PLOD1: variants seen among roughly 807,000 people sequenced by gnomAD.
PLOD1 encodes the protein lysine hydroxylase.
Under a neutral mutation model 94.7 loss-of-function variants are expected in PLOD1, and 70 were observed. That is an observed-to-expected ratio of 0.74 (90% confidence interval 0.61 to 0.90). PLOD1 has a LOEUF of 0.90. PLOD1 is among the 40% of genes least tolerant of loss of function. The probability of loss-of-function intolerance (pLI) is 0.00; values close to 1 mark genes in which losing one functional copy is unlikely to be tolerated. For synonymous variants in PLOD1, 417 were observed against 400.2 expected (o/e 1.04, Z -0.50); for missense variants, 905 against 972.7 (o/e 0.93, Z 0.93).
Position 11,947,760 on chromosome 1 carries a change from C to T in PLOD1, c.77-216C>T, listed in dbSNP as rs79892860. 6.3e-3 allele frequency among the ~76,000 whole-genome samples: 953 copies of T among 152,278 alleles called. 13 individuals are homozygous for T. The highest frequency in any genetic ancestry group is 0.021 in the African/African-American group (863 of 41,564). ...GGAGGGGACAAATATCCAACTATAT[C>T]GGTCAGTTACTGGGTGGAGGGAGCC... On this transcript the variant is annotated intron_variant, in intron 1 of 18. Transcript: ENST00000196061.
rs1645755861 is a variant in PLOD1, at chr1:11,958,584, C to A, written c.912C>A (p.Phe304Leu). ...AGCCCACGCCGTTTGTGTCCCTGTT[C>A]TTCCAGCGGCTCCTGCGGCTCCACT... ...IEQPTPFVSL[F>L]FQRLLRLHYP... The change falls in exon 9 of 19, where the codon TTC (phenylalanine) becomes TTA (leucine). Residue 304 changes from phenylalanine (F) to leucine (L), a missense_variant. Coordinates refer to ENST00000196061, the MANE Select transcript of PLOD1 (RefSeq NM_000302.4). The surrounding 1 kb of genome is among the most constrained non-coding windows in gnomAD (Gnocchi z 4.3). The A allele has an allele frequency of 6.2e-7, 1 of 1,614,126 alleles. No individual in the cohort carries two copies. The highest frequency in any genetic ancestry group is 8.5e-7 in the Non-Finnish European group (1 of 1,180,016).
chr1:11,962,113 A>G (rs543628859), intron 10 of PLOD1, among the ~76,000 whole-genome samples: 24 of 151,510 alleles, frequency 1.6e-4, no homozygotes, highest in Admixed American at 9.9e-4. Flanking sequence ...TATTTTTTGT[A>G]GAGACAGGAT....
In PLOD1 at chr1:11,967,004, T is replaced by C. The variant is rs1221465117; in HGVS notation, c.1668T>C (p.Tyr556=). Residue 556 remains tyrosine, a synonymous_variant, in exon 16 of 19, where the codon TAT becomes TAC. Coordinates refer to ENST00000196061, the MANE Select transcript of PLOD1 (RefSeq NM_000302.4). The stretch of plus-strand genomic sequence containing the variant: ...CTCCCCAGCCCTGCCCGGATGTCTA[T>C]TGGTTCCCCATCTTCACGGAGGTGG... The part of the protein sequence containing the change: ...KLVETPCPDV[Y]WFPIFTEVAC... 6.2e-7 allele frequency: 1 copy of C among 1,612,834 alleles called. No homozygotes were observed. Among genetic ancestry groups the C allele is most frequent in the South Asian group, 1.1e-5 (1 of 91,042 alleles).
intron 1 of PLOD1, among the ~76,000 whole-genome samples, chr1:11,945,623 C>T (rs1645648000): frequency 1.3e-5 from 2 of 152,062 alleles, no homozygotes; most frequent in Admixed American, 6.6e-5. Flanking sequence ...GTATATCACC[C>T]GCCAGATCAG....
chr1:11,954,168 T>C (rs1353399209), intron 5 of PLOD1: 2 of 157,752 alleles, frequency 1.3e-5, no homozygotes, highest in African/African-American at 5.0e-5. Flanking sequence ...ACCCGACTCG[T>C]GTAGAATATT....
chr1:11,957,987 C>A lies in PLOD1; in HGVS notation c.843+44C>A. On this transcript the variant is annotated intron_variant, in intron 8 of 18. Coordinates refer to ENST00000196061, the MANE Select transcript of PLOD1 (RefSeq NM_000302.4). This position sits in a 1 kb window ranked among gnomAD's most constrained non-coding sequence, Gnocchi z 4.1. ...CTGTGCCTGAGGGACACGGGGGGCT[C>A]AGTCCCCTGAGATGGCGAGATGGGT... is the stretch of plus-strand genomic sequence containing the variant. The A allele has an allele frequency of 8.0e-7, 1 of 1,256,082 alleles. No individual in the cohort carries two copies. The highest frequency in any genetic ancestry group is 1.2e-6 in the Non-Finnish European group (1 of 853,178). 77.8% of individuals were successfully genotyped at this position (1,256,082 alleles called of 1,614,324 possible). A position where few individuals can be genotyped will look rare whatever the true frequency, so the allele number is the denominator to read the frequency against.
chr1:11,958,059 A>C lies in PLOD1; in HGVS notation c.843+116A>C. On this transcript the variant is annotated intron_variant, in intron 8 of 18. Coordinates refer to ENST00000196061, the MANE Select transcript of PLOD1 (RefSeq NM_000302.4). This position sits in a 1 kb window ranked among gnomAD's most constrained non-coding sequence, Gnocchi z 4.3. ...GTCTTTGGTGGAAAGTGAAGGGGTC[A>C]CCTCCCTGCCTGGGGTTCTATCCCG... 1.3e-6 allele frequency: 1 copy of C among 765,196 alleles called. No individual in the cohort carries two copies. Among genetic ancestry groups the C allele is most frequent in the Non-Finnish European group, 2.3e-6 (1 of 437,872 alleles). The allele number at this position is 765,196 out of a possible 1,614,324, so 47.4% of individuals were successfully genotyped here.
chr1:11,959,182 A>C (rs1000920714), intron 9 of PLOD1, among the ~76,000 whole-genome samples: 8 of 151,920 alleles, frequency 5.3e-5, no homozygotes, highest in Non-Finnish European at 1.2e-4. Context: ...TCCAGCCTGG[A>C]CAACAAGAGC....
Position 11,967,617 on chromosome 1 carries a change from A to T in PLOD1, c.1755+526A>T, listed in dbSNP as rs1026494039. The stretch of plus-strand genomic sequence containing the variant: ...TGTGTGTATATATATATATATATAA[A>T]AAGAAATATATATAGATTTTATTTA... On this transcript the variant is annotated intron_variant, in intron 16 of 18. Transcript: ENST00000196061. 1.3e-4 allele frequency among the ~76,000 whole-genome samples: 15 copies of T among 114,554 alleles called. 2 individuals carry two copies. Among genetic ancestry groups the T allele is most frequent in the African/African-American group, 1.0e-4 (3 of 29,764 alleles). The allele number at this position is 114,554 out of a possible 152,430, so 75.2% of individuals were successfully genotyped here. A position where few individuals can be genotyped will look rare whatever the true frequency, so the allele number is the denominator to read the frequency against.
chr1:11,952,475 C>G, intron 4 of PLOD1, 148 bp from the exon 5 acceptor site: 2 of 692,154 alleles, frequency 2.9e-6, no homozygotes, highest in East Asian at 5.5e-5. Context: ...AGCCCCACCT[C>G]CTGTCAATTC....
rs145873083 is a variant in PLOD1, at chr1:11,974,848, G to A, written c.*40G>A. 1.1e-4 allele frequency: 170 copies of A among 1,607,850 alleles called. No individual in the cohort carries two copies. The African/African-American group carries it at 1.6e-3, about 15-fold the overall frequency. On this transcript the variant is annotated 3_prime_UTR_variant, in exon 19 of 19. Transcript: ENST00000196061. ...CCCTCTTGGACCTTTCTTCTTTGCCGACAACCACTGCCCAGCAGCCTCTGG... is the reference window on the plus strand; with the variant it reads ...CCCTCTTGGACCTTTCTTCTTTGCCAACAACCACTGCCCAGCAGCCTCTGG...
chr1:11,962,498 G>A (rs1645785612), intron 10 of PLOD1, among the ~76,000 whole-genome samples: 1 of 150,370 alleles, frequency 6.7e-6, no homozygotes, highest in South Asian at 2.1e-4. Context: ...GGATGGTCTC[G>A]ATCTCCTGAC....
chr1:11,956,041 T>C (rs914768986), intron 6 of PLOD1, among the ~76,000 whole-genome samples: 1 of 150,948 alleles, frequency 6.6e-6, no homozygotes, highest in Non-Finnish European at 1.5e-5. Flanking sequence ...GGATTACAGG[T>C]GTGCGCCAGC....
At chr1:11,954,163 A>C (rs1371208829) in intron 5 of PLOD1, 1 of 146,492 alleles carries the variant, frequency 6.8e-6, no homozygotes, top group African/African-American at 2.6e-5. Context: ...ACCGCACCCG[A>C]CTCGTGTAGA....
chr1:11,965,627 C>A, intron 14 of PLOD1, 34 bp downstream of exon 14: 3 of 1,270,308 alleles, frequency 2.4e-6, no homozygotes, highest in Non-Finnish European at 3.5e-6. Flanking sequence ...GGGCTGGGAG[C>A]AAAGGGGCCC....
Position 11,958,740 on chromosome 1 carries a change from A to T in PLOD1, c.975+93A>T. On this transcript the variant is annotated intron_variant, in intron 9 of 18. Coordinates refer to ENST00000196061, the MANE Select transcript of PLOD1 (RefSeq NM_000302.4). The surrounding 1 kb of genome is among the most constrained non-coding windows in gnomAD (Gnocchi z 4.3). ...CCGAGACCTCTGAGGGTCTCACCGA[A>T]TCTAGCTTATCTGGGCCAAATGACA... 7.0e-7 allele frequency: 1 copy of T among 1,429,658 alleles called. No homozygotes were observed. The highest frequency in any genetic ancestry group is 2.3e-5 in the East Asian group (1 of 42,572). The allele number at this position is 1,429,658 out of a possible 1,614,324, so 88.6% of individuals were successfully genotyped here. A position where few individuals can be genotyped will look rare whatever the true frequency, so the allele number is the denominator to read the frequency against.
At chr1:11,949,121 C>T (rs147529263) in intron 2 of PLOD1, among the ~76,000 whole-genome samples, 1 of 152,306 alleles carries the variant, frequency 6.6e-6, no homozygotes, top group African/African-American at 2.4e-5. Flanking sequence ...CCACCAGCCA[C>T]AGATTCATGT....
intron 5 of PLOD1, among the ~76,000 whole-genome samples, chr1:11,953,968 G>C (rs561750855): frequency 4.3e-4 from 65 of 151,476 alleles, no homozygotes; most frequent in African/African-American, 1.4e-3. Flanking sequence ...GGACTCAAGC[G>C]ATCCTCCCAC....
chr1:11,937,922 A>ATTT (rs1218806419), intron 1 of PLOD1, among the ~76,000 whole-genome samples: 1 of 97,164 alleles, frequency 1.0e-5, no homozygotes. Context: ...CCTGTTTTCC[A>ATTT]TTTTTTTTTT....
Sources: allele counts gnomAD v4.1 joint callset (sites outside exome capture counted in the v4.1 genomes callset), GRCh38; gene constraint gnomAD v4.1.1; non-coding constraint Gnocchi (gnomAD v3.1); transcripts MANE v1.5; gene names NCBI Gene and HGNC (gene_info 2026-07-23, HGNC 2026-07-21).